The following ADCK1 variants were observed in gnomAD, a reference collection of about 807,000 sequenced individuals.
ADCK1 encodes aarF domain containing kinase 1.
ADCK1 carries 41 observed loss-of-function variants against 52.3 expected under a neutral mutation model. The observed-to-expected ratio is 0.78, with a 90% CI of 0.61 to 1.02. The LOEUF is 1.02. Ranked by LOEUF, ADCK1 falls within the 50% of genes least tolerant of loss-of-function variation. ADCK1 has a pLI of 0.00. For missense variants in ADCK1, 658 were observed against 679.5 expected, an observed-to-expected ratio of 0.97 and a Z score of 0.35; for synonymous variants, 250 against 274.6, an observed-to-expected ratio of 0.91 and a Z score of 0.89.
chr14:77,895,733 C>T (rs1595043699), intron 5 of ADCK1, among the ~76,000 whole-genome samples: 1 of 152,218 alleles, frequency 6.6e-6, no homozygotes, highest in Admixed American at 6.5e-5. Context: ...TGGCAGCAGC[C>T]CGAACTACTT....
At chr14:77,831,919 A>G (rs1459603647) in intron 3 of ADCK1, among the ~76,000 whole-genome samples, 1 of 152,004 alleles carries the variant, frequency 6.6e-6, no homozygotes, top group Non-Finnish European at 1.5e-5. Flanking sequence ...CTTGGGCATC[A>G]GCAAGCTCAA....
chr14:77,901,445 A>G (rs1291701258), intron 6 of ADCK1, among the ~76,000 whole-genome samples: 2 of 149,548 alleles, frequency 1.3e-5, no homozygotes, highest in Non-Finnish European at 3.0e-5. Flanking sequence ...GCTGGTGCGT[A>G]GTGGTGCAAT....
chr14:77,898,382 A>G (rs989433388), intron 5 of ADCK1, among the ~76,000 whole-genome samples: 1 of 152,222 alleles, frequency 6.6e-6, no homozygotes. Flanking sequence ...AAGATGTGGA[A>G]TCAACCCAAA....
intron 6 of ADCK1, among the ~76,000 whole-genome samples, chr14:77,905,733 G>A (rs1469574619): frequency 1.3e-5 from 2 of 152,132 alleles, no homozygotes; most frequent in Non-Finnish European, 2.9e-5. Context: ...AGGATCTCTT[G>A]AGTCCAGGAG....
intron 1 of ADCK1, among the ~76,000 whole-genome samples, chr14:77,811,169 AG>A (rs1489878714): frequency 6.6e-6 from 1 of 151,940 alleles, no homozygotes; most frequent in African/African-American, 2.4e-5. Context: ...GGGAGCTGAT[AG>A]GCAGGGGAGC....
At chr14:77,804,397 C>A (rs919596322) in intron 1 of ADCK1, among the ~76,000 whole-genome samples, 6 of 152,188 alleles carry the variant, frequency 3.9e-5, no homozygotes, top group Non-Finnish European at 8.8e-5. Context: ...CATTCGGCTC[C>A]TGTATCATCT....
chr14:77,924,661 A>C, intron 8 of ADCK1, 55 bp downstream of exon 8: 1 of 1,598,728 alleles, frequency 6.3e-7, no homozygotes, highest in Non-Finnish European at 8.5e-7. Flanking sequence ...GAGTCTGCTG[A>C]CCACTCTAAT....
intron 7 of ADCK1, among the ~76,000 whole-genome samples, chr14:77,917,814 T>C (rs190754148): frequency 3.7e-4 from 56 of 152,318 alleles, no homozygotes; most frequent in African/African-American, 1.3e-3. Context: ...ACTCTTTTTT[T>C]CAAAATGGAA....
At chr14:77,843,727 C>A (rs1428942190) in intron 3 of ADCK1, among the ~76,000 whole-genome samples, 1 of 152,236 alleles carries the variant, frequency 6.6e-6, no homozygotes, top group Non-Finnish European at 1.5e-5. Flanking sequence ...GCTGGAACAA[C>A]TTTCTTTGCT....
chr14:77,826,148 C>G (rs552378172), intron 3 of ADCK1, among the ~76,000 whole-genome samples: 1 of 152,294 alleles, frequency 6.6e-6, no homozygotes, highest in Non-Finnish European at 1.5e-5. Flanking sequence ...CGGCTGGCAC[C>G]AGATAACAGG....
At chr14:77,810,869 T>C (rs1566625809) in intron 1 of ADCK1, among the ~76,000 whole-genome samples, 1 of 152,130 alleles carries the variant, frequency 6.6e-6, no homozygotes, top group Non-Finnish European at 1.5e-5. Context: ...CATACTGCCT[T>C]CCTAATGTGG....
chr14:77,852,679 A>ATAT (rs2082320178), intron 3 of ADCK1, among the ~76,000 whole-genome samples: 1 of 71,916 alleles, frequency 1.4e-5, no homozygotes, highest in Non-Finnish European at 2.9e-5. Context: ...ATATATATAT[A>ATAT]TATATATATA....
At chr14:77,840,013 G>T (rs989649689) in intron 3 of ADCK1, among the ~76,000 whole-genome samples, 5 of 151,796 alleles carry the variant, frequency 3.3e-5, no homozygotes, top group Non-Finnish European at 5.9e-5. Context: ...CAAGGAGGTG[G>T]GACTGTGTGG....
chr14:77,924,221 A>T, intron 7 of ADCK1: 1 of 501,986 alleles, frequency 2.0e-6, no homozygotes, highest in Non-Finnish European at 3.5e-6. Context: ...AACTTTAAAA[A>T]ATACTGGTGC....
At chr14:77,811,475 A>G (rs146488514) in intron 1 of ADCK1, among the ~76,000 whole-genome samples, 33 of 152,262 alleles carry the variant, frequency 2.2e-4, no homozygotes, top group East Asian at 1.4e-3. Flanking sequence ...ATTGGACTCC[A>G]GAGTTCATGA....
intron 4 of ADCK1, among the ~76,000 whole-genome samples, chr14:77,884,075 C>T (rs2083092964): frequency 6.6e-6 from 1 of 152,224 alleles, no homozygotes; most frequent in African/African-American, 2.4e-5. Context: ...TGTCACTCTT[C>T]AGTTACAATG....
chr14:77,832,671 G>A (rs1327022197), intron 3 of ADCK1, among the ~76,000 whole-genome samples: 1 of 152,214 alleles, frequency 6.6e-6, no homozygotes, highest in African/African-American at 2.4e-5. Context: ...ATTCTCCTAT[G>A]GAGGGGAGGG....
At chr14:77,815,288 C>G (rs191734974) in intron 1 of ADCK1, among the ~76,000 whole-genome samples, 1 of 149,752 alleles carries the variant, frequency 6.7e-6, no homozygotes, top group Non-Finnish European at 1.5e-5. Flanking sequence ...ATTTCAGCCT[C>G]GAGACCTCCT....
intron 3 of ADCK1, among the ~76,000 whole-genome samples, chr14:77,837,057 C>T (rs55967811): frequency 0.12 from 18,160 of 151,794 alleles, 1,196 homozygotes; most frequent in Middle Eastern, 0.18. Context: ...CAAAGTGAGC[C>T]GCCGTGCCTG....
Sources: allele counts gnomAD v4.1 joint callset (sites outside exome capture counted in the v4.1 genomes callset), GRCh38; gene constraint gnomAD v4.1.1; transcripts MANE v1.5; gene names NCBI Gene and HGNC (gene_info 2026-07-23, HGNC 2026-07-21).